The following KLF13 variants were observed in gnomAD, a reference collection of about 807,000 sequenced individuals.
The protein encoded by KLF13 is Krueppel-like factor 13.
Under a neutral mutation model 16.7 loss-of-function variants are expected in KLF13, and 8 were observed. That is an observed-to-expected ratio of 0.48 (90% CI 0.28 to 0.87). KLF13 has a LOEUF of 0.87. KLF13 is among the 40% of genes least tolerant of loss of function. KLF13 has a pLI of 0.10. For missense variants in KLF13, 447 were observed against 452.2 expected (o/e 0.99, Z 0.10); for synonymous variants, 245 against 208.4 (o/e 1.18, Z -1.51).
chr15:31,402,729 C>T (rs927745399), intron 2 of KLF13, among the ~76,000 whole-genome samples: 4 of 152,316 alleles, frequency 2.6e-5, no homozygotes, highest in Non-Finnish European at 5.9e-5. Context: ...ACCAGACACT[C>T]AGTTCTGCGG....
At chr15:31,385,107 G>T (rs889144142) in intron 1 of KLF13, among the ~76,000 whole-genome samples, 4 of 152,180 alleles carry the variant, frequency 2.6e-5, no homozygotes, top group African/African-American at 7.2e-5. Context: ...GAAGGTGGTG[G>T]CCATCTGCAA....
At chr15:31,338,784 TC>T (rs1566804782) in intron 1 of KLF13, among the ~76,000 whole-genome samples, 1 of 152,150 alleles carries the variant, frequency 6.6e-6, no homozygotes, top group East Asian at 1.9e-4. Context: ...GGAACTGAGC[TC>T]CTTGGCTGCC....
upstream of KLF13, among the ~76,000 whole-genome samples, chr15:31,390,723 T>A (rs34682798): frequency 0.11 from 16,384 of 152,132 alleles, 1,887 homozygotes; most frequent in African/African-American, 0.28. Context: ...TTGCCCTCCC[T>A]CTACATTCTT....
At chr15:31,413,187 C>CAAAAAA (rs1161762538) in intron 1 of KLF13, among the ~76,000 whole-genome samples, 10 of 63,322 alleles carry the variant, frequency 1.6e-4, no homozygotes, top group South Asian at 6.7e-4. Context: ...AATGAATAGA[C>CAAAAAA]AAAAAAAAAA....
downstream of KLF13, among the ~76,000 whole-genome samples, chr15:31,406,229 C>T (rs916303814): frequency 3.3e-5 from 5 of 152,130 alleles, no homozygotes; most frequent in African/African-American, 9.7e-5. Flanking sequence ...CCTATAATAG[C>T]ACTTTGGGAG....
chr15:31,380,740 A>G (rs2140975225), downstream of KLF13, among the ~76,000 whole-genome samples: 1 of 152,362 alleles, frequency 6.6e-6, no homozygotes, highest in African/African-American at 2.4e-5. Flanking sequence ...CAGTAAAGAC[A>G]TGCAGCTACT....
At chr15:31,355,486 G>A (rs1046433104) in intron 1 of KLF13, among the ~76,000 whole-genome samples, 1 of 152,178 alleles carries the variant, frequency 6.6e-6, no homozygotes, top group African/African-American at 2.4e-5. Context: ...CGTTCATTGT[G>A]ATAAGCAGGT....
chr15:31,397,995 G>C (rs891320404), intron 2 of KLF13, among the ~76,000 whole-genome samples: 1 of 152,090 alleles, frequency 6.6e-6, no homozygotes, highest in Non-Finnish European at 1.5e-5. Context: ...TGCTCTCCGG[G>C]TCGACCCTGA....
At chr15:31,338,237 G>A (rs767730304) in intron 1 of KLF13, among the ~76,000 whole-genome samples, 8 of 152,182 alleles carry the variant, frequency 5.3e-5, no homozygotes, top group Non-Finnish European at 8.8e-5. Context: ...TGAGCCAAGC[G>A]TTTGAATTCC....
At position 31,428,820 on chromosome 15, in the gene KLF13, A is replaced by AAAAAAAAAAAAAAAG. The variant is rs61521558; in HGVS notation, n.118-6545_118-6544insAAAAAAAAAGAAAAA. 8.8e-4 allele frequency among the ~76,000 whole-genome samples: 64 copies of AAAAAAAAAAAAAAAG among 72,650 alleles called. 3 individuals carry two copies. Among genetic ancestry groups the AAAAAAAAAAAAAAAG allele is most frequent in the East Asian group, 2.6e-3 (5 of 1,916 alleles). The allele number at this position is 72,650 out of a possible 152,430, so 47.7% of individuals were successfully genotyped here. ...TCTATCTCAAAAAAAAAAAAAAAAA[A>AAAAAAAAAAAAAAAG]AAAAAGAAAAAGAAAAAGAAATGCC... On this transcript the variant is annotated intron_variant and non_coding_transcript_variant, in intron 1 of 1. Coordinates refer to the KLF13 transcript ENST00000558225.
At chr15:31,381,570 TG>T (rs1330875567), downstream of KLF13, among the ~76,000 whole-genome samples, 3 of 152,180 alleles carry the variant, frequency 2.0e-5, no homozygotes, top group Non-Finnish European at 4.4e-5. Flanking sequence ...CCAGCCTTCA[TG>T]TCCTTCCTGC....
intron 1 of KLF13, among the ~76,000 whole-genome samples, chr15:31,412,151 C>T (rs1381492503): frequency 6.6e-6 from 1 of 152,168 alleles, no homozygotes; most frequent in Admixed American, 6.5e-5. Flanking sequence ...AAAAAAGGCT[C>T]AAGGGAGCTT....
chr15:31,433,672 C>T (rs1361343753), intron 1 of KLF13, among the ~76,000 whole-genome samples: 3 of 151,850 alleles, frequency 2.0e-5, no homozygotes, highest in African/African-American at 7.3e-5. Context: ...TTTGTGGGCC[C>T]CAGGGAATGT....
chr15:31,352,034 G>A (rs1262265881), intron 1 of KLF13, among the ~76,000 whole-genome samples: 1 of 151,946 alleles, frequency 6.6e-6, no homozygotes, highest in Non-Finnish European at 1.5e-5. Context: ...GGGAGGCGGG[G>A]GGAGTTTTGC....
chr15:31,404,039 T>C (rs543302580), exon 3 of KLF13: 43 of 152,378 alleles, frequency 2.8e-4, no homozygotes, highest in African/African-American at 1.0e-3. Flanking sequence ...CAGAGCAGAC[T>C]GAACACCCCG....
chr15:31,335,472 T>TGTGTG (rs1238604827), intron 1 of KLF13, among the ~76,000 whole-genome samples: 4 of 17,824 alleles, frequency 2.2e-4, no homozygotes, highest in Non-Finnish European at 4.9e-4. Flanking sequence ...TGTGTGTGTG[T>TGTGTG]GTGTATGGTG....
chr15:31,353,179 G>T lies in KLF13; in HGVS notation c.578-18831G>T, dbSNP rs140722305. On this transcript the variant is annotated intron_variant, in intron 1 of 1. Transcript: ENST00000307145. ...CACTTAGGGAGTTTTGCTGGGGCCT[G>T]TTAAAGGGGGAGTGCCTGGAGGTAT... is the stretch of plus-strand genomic sequence containing the variant. Among the ~76,000 whole-genome samples the T allele has an allele frequency of 1.7e-3, 266 of 152,348 alleles. 2 individuals are homozygous for T. The highest frequency in any genetic ancestry group is 5.7e-3 in the African/African-American group (236 of 41,572).
chr15:31,398,631 G>A (rs79358016), intron 2 of KLF13, among the ~76,000 whole-genome samples: 1 of 152,098 alleles, frequency 6.6e-6, no homozygotes, highest in Non-Finnish European at 1.5e-5. Context: ...TCAGGGCTCC[G>A]AGCCCTCCCA....
chr15:31,334,876 A>G (rs1465625774), intron 1 of KLF13, among the ~76,000 whole-genome samples: 1 of 152,212 alleles, frequency 6.6e-6, no homozygotes, highest in African/African-American at 2.4e-5. Flanking sequence ...GACAGCCACC[A>G]GTGCAGTCCT....
Sources: allele counts gnomAD v4.1 joint callset (sites outside exome capture counted in the v4.1 genomes callset), GRCh38; gene constraint gnomAD v4.1.1; transcripts MANE v1.5; gene names NCBI Gene and HGNC (gene_info 2026-07-23, HGNC 2026-07-21).